PTCHD1: variants seen among roughly 807,000 people sequenced by gnomAD.
PTCHD1 encodes the protein patched domain containing 1.
Under a neutral mutation model 34.6 loss-of-function variants are expected in PTCHD1, and 3 were observed. That is an observed-to-expected ratio of 0.09 (90% confidence interval 0.04 to 0.22). PTCHD1 has a LOEUF of 0.22. Among genes scored for constraint, PTCHD1 ranks in the 10% least tolerant of loss-of-function variants. The probability of loss-of-function intolerance (pLI) is 1.00; values close to 1 mark genes in which losing one functional copy is unlikely to be tolerated. For missense variants in PTCHD1, 504 were observed against 685.5 expected (o/e 0.74, Z 2.96); for synonymous variants, 305 against 283.1 (o/e 1.08, Z -0.77).
chrX:23,342,759 T>C (rs1252273939), intron 1 of PTCHD1, among the ~76,000 whole-genome samples: 1 of 111,250 alleles, frequency 9.0e-6, no homozygotes, highest in Non-Finnish European at 1.9e-5. Context: ...TCTTCACACA[T>C]CTACTTTTGT....
At chrX:23,388,306 T>A (rs1434201046) in intron 2 of PTCHD1, among the ~76,000 whole-genome samples, 2 of 112,231 alleles carry the variant, frequency 1.8e-5, no homozygotes, top group Non-Finnish European at 3.8e-5. Context: ...ATAGGCCCAC[T>A]GGTCAGATTT....
chrX:23,354,518 T>A (rs1453093007), intron 1 of PTCHD1, among the ~76,000 whole-genome samples: 1 of 92,833 alleles, frequency 1.1e-5, no homozygotes, highest in Non-Finnish European at 2.0e-5. Context: ...TATATATATA[T>A]ATAAAGAAAT....
At chrX:23,359,450 G>C (rs1359890313) in intron 1 of PTCHD1, among the ~76,000 whole-genome samples, 1 of 111,773 alleles carries the variant, frequency 8.9e-6, no homozygotes, top group Non-Finnish European at 1.9e-5. Context: ...CTCTCTCTTT[G>C]TCTGTTATTA....
At chrX:23,346,637 A>G (rs1921484973) in intron 1 of PTCHD1, among the ~76,000 whole-genome samples, 1 of 112,194 alleles carries the variant, frequency 8.9e-6, no homozygotes, top group Non-Finnish European at 1.9e-5. Context: ...TGATGTAAAG[A>G]CAGAAAAGGA....
chrX:23,352,791 T>A (rs73469308), intron 1 of PTCHD1, among the ~76,000 whole-genome samples: 14,909 of 111,861 alleles, frequency 0.13, 841 homozygotes, highest in African/African-American at 0.2. Flanking sequence ...GTCCACAGAT[T>A]GGCAGCGTCA....
At chrX:23,340,509 C>T (rs1359884337) in intron 1 of PTCHD1, among the ~76,000 whole-genome samples, 1 of 112,276 alleles carries the variant, frequency 8.9e-6, no homozygotes, top group Non-Finnish European at 1.9e-5. Context: ...CAGTCAGCAG[C>T]AGTCGCCCAC....
intron 1 of PTCHD1, among the ~76,000 whole-genome samples, chrX:23,370,404 C>G (rs893757545): frequency 1.8e-5 from 2 of 112,137 alleles, no homozygotes; most frequent in Non-Finnish European, 3.8e-5. Flanking sequence ...CCTGTGAGAC[C>G]TCTTTTCAGA....
intron 2 of PTCHD1, among the ~76,000 whole-genome samples, chrX:23,389,471 A>C (rs1163377911): frequency 8.9e-6 from 1 of 111,984 alleles, no homozygotes; most frequent in South Asian, 3.7e-4. Flanking sequence ...GGTATCAGCA[A>C]TTGTCCCAGA....
rs986787034 is a variant in PTCHD1 at position 23,400,629 on chromosome X, T to A, written c.*6444T>A. On this transcript the variant is annotated 3_prime_UTR_variant, in exon 3 of 3. Coordinates refer to ENST00000379361, the MANE Select transcript of PTCHD1 (RefSeq NM_173495.3). ...CTTGTTGGCTCTGCTGCTGCTGATA[T>A]AACTTCAGGCACAACGGAAGCCGCC... 1.8e-5 allele frequency: 2 copies of A among 112,243 alleles called. No homozygotes were observed. The highest frequency in any genetic ancestry group is 6.5e-5 in the African/African-American group (2 of 30,877). The allele number at this position is 112,243 out of a possible 1,213,427, so 9.3% of individuals were successfully genotyped here.
chrX:23,352,947 A>G (rs983795477), intron 1 of PTCHD1, among the ~76,000 whole-genome samples: 1 of 112,227 alleles, frequency 8.9e-6, no homozygotes, highest in Non-Finnish European at 1.9e-5. Flanking sequence ...AGACTAAAGC[A>G]TGGTCTAAAG....
At chrX:23,362,932 C>G (rs1008884950) in intron 1 of PTCHD1, among the ~76,000 whole-genome samples, 4 of 112,146 alleles carry the variant, frequency 3.6e-5, no homozygotes, top group African/African-American at 1.3e-4. Flanking sequence ...CACTCCAGAC[C>G]CTGTTTGACT....
At chrX:23,335,998 G>C (rs1486336728) in intron 1 of PTCHD1, among the ~76,000 whole-genome samples, 2 of 111,928 alleles carry the variant, frequency 1.8e-5, no homozygotes, top group Non-Finnish European at 3.8e-5. Context: ...CTGAGCATGG[G>C]GGTGAGGGGC....
Position 23,379,910 on chromosome X carries a change from T to C in PTCHD1, c.671T>C (p.Met224Thr). The C allele has an allele frequency of 8.3e-7, 1 of 1,211,757 alleles. No individual in the cohort carries two copies. Among genetic ancestry groups the C allele is most frequent in the Non-Finnish European group, 1.1e-6 (1 of 895,366 alleles). The change falls in exon 2 of 3, where the codon ATG (methionine) becomes ACG (threonine). Residue 224 changes from methionine (M) to threonine (T), a missense_variant. Transcript: ENST00000379361. ...YLQSINSLND[M>T]VAERWESSFC... The stretch of plus-strand genomic sequence containing the variant: ...CAGTCAATCAACAGTCTCAATGACA[T>C]GGTGGCTGAGAGGTGGGAGTCCAGC...
At chrX:23,373,143 A>G (rs1225910404) in intron 1 of PTCHD1, among the ~76,000 whole-genome samples, 1 of 112,670 alleles carries the variant, frequency 8.9e-6, no homozygotes, top group Non-Finnish European at 1.9e-5. Context: ...AAAATCTCAG[A>G]TTTCTCTGCT....
intron 1 of PTCHD1, among the ~76,000 whole-genome samples, chrX:23,342,310 A>T (rs1367841616): frequency 0.023 from 294 of 12,622 alleles, 8 homozygotes; most frequent in East Asian, 0.13. Flanking sequence ...ATATATATAT[A>T]TTTTTTTTTT....
At chrX:23,359,388 G>T (rs1216538096) in intron 1 of PTCHD1, among the ~76,000 whole-genome samples, 1 of 111,606 alleles carries the variant, frequency 9.0e-6, no homozygotes, top group African/African-American at 3.3e-5. Context: ...GGATTCCTAG[G>T]TGTTTTATTC....
In PTCHD1 at chrX:23,394,440, A is replaced by ACACACG. The variant is rs1922931189; in HGVS notation, c.*260_*261insGCACAC. ...CACACACACACACACACACACACAC[A>ACACACG]CACACACACACCCTGGGAGACCTAT... is the stretch of plus-strand genomic sequence containing the variant. On this transcript the variant is annotated 3_prime_UTR_variant, in exon 3 of 3. Coordinates refer to ENST00000379361, the MANE Select transcript of PTCHD1 (RefSeq NM_173495.3). 1 of 317,540 alleles carries ACACACG rather than the reference A, an allele frequency of 3.1e-6. No individual in the cohort carries two copies. Among genetic ancestry groups the ACACACG allele is most frequent in the African/African-American group, 2.7e-5 (1 of 36,431 alleles). The allele number at this position is 317,540 out of a possible 1,213,427, so 26.2% of individuals were successfully genotyped here.
intron 2 of PTCHD1, among the ~76,000 whole-genome samples, chrX:23,391,732 G>A (rs781490076): frequency 1.8e-4 from 20 of 111,939 alleles, no homozygotes; most frequent in African/African-American, 4.5e-4. Flanking sequence ...TTGTGGGGAC[G>A]GAAAGCAAAA....
chrX:23,347,170 T>A (rs1247839847), intron 1 of PTCHD1, among the ~76,000 whole-genome samples: 2 of 111,393 alleles, frequency 1.8e-5, no homozygotes, highest in African/African-American at 6.5e-5. Flanking sequence ...GGGTCAGGGA[T>A]TCAAAGAAAT....
Sources: gnomAD v4.1 joint callset for allele counts (sites outside exome capture counted in the v4.1 genomes callset) on GRCh38, gnomAD v4.1.1 for gene constraint, MANE v1.5 for transcripts, NCBI Gene and HGNC (gene_info 2026-07-23, HGNC 2026-07-21) for gene names.